Variants in QRICH1 observed in about 807,000 individuals in gnomAD.
QRICH1 encodes glutamine rich 1, also known as transcriptional regulator QRICH1.
Under a neutral mutation model 87.1 loss-of-function variants are expected in QRICH1, and 16 were observed. The ratio of observed to expected loss-of-function variants is 0.18; its 90% CI spans 0.12 to 0.28. QRICH1 has a LOEUF of 0.28. QRICH1 is among the 10% of genes least tolerant of loss of function. QRICH1 has a pLI of 1.00. For missense variants in QRICH1, 647 were observed against 951.7 expected (o/e 0.68, Z 4.21); for synonymous variants, 367 against 368.4 (o/e 1.00, Z 0.05).
In QRICH1 at chr3:49,050,248, C is replaced by CAAAAAAAAAAAAAAA. The variant is rs527597101; in HGVS notation, c.1339-3017_1339-3003dup. 2.5e-3 allele frequency among the ~76,000 whole-genome samples: 130 copies of CAAAAAAAAAAAAAAA among 52,406 alleles called. 3 individuals are homozygous for CAAAAAAAAAAAAAAA. The highest frequency in any genetic ancestry group is 9.0e-3 in the African/African-American group (92 of 10,170). The allele number at this position is 52,406 out of a possible 152,430, so 34.4% of individuals were successfully genotyped here. A position where few individuals can be genotyped will look rare whatever the true frequency, so the allele number is the denominator to read the frequency against. On this transcript the variant is annotated intron_variant, in intron 3 of 9. Transcript: ENST00000395443. The stretch of plus-strand genomic sequence containing the variant: ...TGGGCTAAAGAGCGGGACTCCGTCT[C>CAAAAAAAAAAAAAAA]AAAAAAAAAAAAAAAAAAAAAAAAA...
chr3:49,054,692 G>A (rs1208891019), intron 3 of QRICH1, among the ~76,000 whole-genome samples: 1 of 152,098 alleles, frequency 6.6e-6, no homozygotes, highest in African/African-American at 2.4e-5. Context: ...ATCACTTGAG[G>A]CCAGGAGTTC....
chr3:49,044,498 A>G lies in QRICH1; in HGVS notation c.1678T>C (p.Phe560Leu). 1 of 1,595,594 alleles carries G rather than the reference A, an allele frequency of 6.3e-7. No homozygotes were observed. Among genetic ancestry groups the G allele is most frequent in the Non-Finnish European group, 8.6e-7 (1 of 1,164,828 alleles). The change falls in exon 6 of 10, where the codon TTT becomes CTT. Residue 560 changes from phenylalanine (F) to leucine (L), a missense_variant. By Grantham distance (22) the Phe-to-Leu change is conservative. Coordinates refer to ENST00000395443, the MANE Select transcript of QRICH1 (RefSeq NM_198880.3). ...YIFLCIQKYLFENGRVDDIFS... is the reference protein window; with the variant it reads ...YIFLCIQKYLLENGRVDDIFS... ...ATGTCATCTACCCTTCCATTTTCAA[A>G]AAGATACTAAAAGAAAAACAATTAA...
In QRICH1 at chr3:49,029,827, G is replaced by C; in HGVS notation, c.*625C>G. 1 of 176,414 alleles carries C rather than the reference G, an allele frequency of 5.7e-6. No individual in the cohort carries two copies. The allele number at this position is 176,414 out of a possible 1,614,324, so 10.9% of individuals were successfully genotyped here. On this transcript the variant is annotated 3_prime_UTR_variant, in exon 10 of 10. Coordinates refer to ENST00000395443, the MANE Select transcript of QRICH1 (RefSeq NM_198880.3). ...GTTACAAGAATTCCATCAGGCACAG[G>C]AGCCTCAGGTTTTAAGGCCTCAATG...
At chr3:49,039,707 A>G (rs973863288) in intron 6 of QRICH1, among the ~76,000 whole-genome samples, 3 of 152,006 alleles carry the variant, frequency 2.0e-5, no homozygotes, top group Admixed American at 6.6e-5. Flanking sequence ...GGTGGTATAC[A>G]TAAGGTTTAA....
chr3:49,033,596 C>A (rs1275504757), intron 6 of QRICH1: 1 of 160,348 alleles, frequency 6.2e-6, no homozygotes. Flanking sequence ...TGAGAGTGTA[C>A]AGAGCTTTGC....
chr3:49,057,872 G>C lies in QRICH1; in HGVS notation c.328C>G (p.Gln110Glu), dbSNP rs750434974. The change falls in exon 3 of 10, where the codon CAG becomes GAG. Residue 110 changes from glutamine to glutamate, a missense_variant. Physicochemically the swap from Gln to Glu is conservative, Grantham distance 29. This residue lies in a region of QRICH1 where 156 missense variants were observed against 164.5 expected (regional missense o/e 0.95). Transcript: ENST00000395443. This position sits in a 1 kb window ranked among gnomAD's most constrained non-coding sequence, Gnocchi z 5.4. ...QQVQVQVQVQ[Q>E]SPQQVSAQLS... ...TGAGCCGAGACCTGTTGCGGAGACTGCTGTACCTGCACCTGGACCTGTAAG... is the reference window on the plus strand; with the variant it reads ...TGAGCCGAGACCTGTTGCGGAGACTCCTGTACCTGCACCTGGACCTGTAAG... 33 of 1,614,062 alleles carry C rather than the reference G, an allele frequency of 2.0e-5. No homozygotes were observed. Among genetic ancestry groups the C allele is most frequent in the Non-Finnish European group, 2.8e-5 (33 of 1,180,008 alleles).
intron 2 of QRICH1, among the ~76,000 whole-genome samples, chr3:49,069,104 ATTATT>A (rs1318033025): frequency 2.1e-4 from 22 of 103,084 alleles, no homozygotes; most frequent in East Asian, 5.4e-4. Flanking sequence ...TATTATTATT[ATTATT>A]TTTTTTTTTT....
At chr3:49,083,052 C>A (rs1165211690) in intron 1 of QRICH1, among the ~76,000 whole-genome samples, 1 of 150,394 alleles carries the variant, frequency 6.6e-6, no homozygotes, top group African/African-American at 2.4e-5. Flanking sequence ...ACTAAAAATA[C>A]AAAATGAGTT....
chr3:49,079,296 C>G (rs2042012300), intron 1 of QRICH1, among the ~76,000 whole-genome samples: 2 of 151,844 alleles, frequency 1.3e-5, no homozygotes, highest in South Asian at 4.1e-4. Context: ...GTGGTGCACA[C>G]ATGTAGTCTC....
At position 49,057,979 on chromosome 3, in the gene QRICH1, G is replaced by C. The variant is rs762951067; in HGVS notation, c.310-89C>G. On this transcript the variant is annotated intron_variant, in intron 2 of 9. Transcript: ENST00000395443. The surrounding 1 kb of genome is among the most constrained non-coding windows in gnomAD (Gnocchi z 5.4). ...AAGAAAGAAAAGAGATCCCAGACAG[G>C]GGACCTGCAAAATGTGAGAAAACAC... is the stretch of plus-strand genomic sequence containing the variant. The C allele has an allele frequency of 6.3e-7, 1 of 1,599,832 alleles. No individual in the cohort carries two copies. The highest frequency in any genetic ancestry group is 8.5e-7 in the Non-Finnish European group (1 of 1,175,854).
chr3:49,080,557 A>G (rs1245032767), intron 1 of QRICH1, among the ~76,000 whole-genome samples: 1 of 152,160 alleles, frequency 6.6e-6, no homozygotes, highest in Non-Finnish European at 1.5e-5. Flanking sequence ...ACAGAACTGA[A>G]AAACCTTCGT....
intron 3 of QRICH1, 24 bp from the exon 4 acceptor site, chr3:49,047,270 T>C (rs765728137): frequency 1.3e-6 from 2 of 1,590,094 alleles, no homozygotes; most frequent in Non-Finnish European, 1.7e-6. Context: ...ACCATGAAAA[T>C]GTGTCAATAT....
chr3:49,029,999 G>C lies in QRICH1; in HGVS notation c.*453C>G. Reference sequence around the variant, plus strand: ...CATTTTTCTTCCATTAAGATGCTAAGTTTATGTCTGATCATGAAGAAAGAA... The same window carrying C: ...CATTTTTCTTCCATTAAGATGCTAACTTTATGTCTGATCATGAAGAAAGAA... On this transcript the variant is annotated 3_prime_UTR_variant, in exon 10 of 10. Transcript: ENST00000395443. 4.5e-6 allele frequency: 1 copy of C among 221,190 alleles called. No individual in the cohort carries two copies. 13.7% of individuals were successfully genotyped at this position (221,190 alleles called of 1,614,324 possible). A position where few individuals can be genotyped will look rare whatever the true frequency, so the allele number is the denominator to read the frequency against.
chr3:49,060,844 T>C (rs1456628280), intron 2 of QRICH1, among the ~76,000 whole-genome samples: 6 of 151,922 alleles, frequency 3.9e-5, no homozygotes, highest in African/African-American at 1.4e-4. Context: ...TAGAATCTAA[T>C]GCCTGGCCAG....
At chr3:49,036,033 G>A (rs2106823939) in intron 6 of QRICH1, among the ~76,000 whole-genome samples, 1 of 151,316 alleles carries the variant, frequency 6.6e-6, no homozygotes, top group African/African-American at 2.4e-5. Flanking sequence ...TTGCAGTGAG[G>A]CAAGATTGTG....
intron 2 of QRICH1, among the ~76,000 whole-genome samples, chr3:49,074,876 G>A (rs567267662): frequency 1.3e-5 from 2 of 152,066 alleles, no homozygotes; most frequent in Admixed American, 6.6e-5. Flanking sequence ...CTACCTGGGA[G>A]GCTGAGGCAG....
At chr3:49,037,088 A>T in intron 6 of QRICH1, among the ~76,000 whole-genome samples, 1 of 151,414 alleles carries the variant, frequency 6.6e-6, no homozygotes. Context: ...AAAAAAAAAA[A>T]AAAAAAAGGA....
intron 6 of QRICH1, among the ~76,000 whole-genome samples, chr3:49,037,849 C>T (rs975341584): frequency 6.7e-5 from 10 of 148,538 alleles, no homozygotes; most frequent in Admixed American, 2.0e-4. Context: ...TGTGATGGTG[C>T]GCGCCTGTAA....
In QRICH1 at chr3:49,082,430, G is replaced by C. The variant is rs938294252; in HGVS notation, c.-21-5392C>G. On this transcript the variant is annotated intron_variant, in intron 1 of 9. Transcript: ENST00000395443. Reference sequence around the variant, plus strand: ...TAAATCCTACCAGCCAGTATTTCTAGAATAGTACCTTTAAAAAGTTACTAT... The same window carrying C: ...TAAATCCTACCAGCCAGTATTTCTACAATAGTACCTTTAAAAAGTTACTAT... Among the ~76,000 whole-genome samples, 4 of 152,182 alleles carry C rather than the reference G, an allele frequency of 2.6e-5. No homozygotes were observed. In the East Asian group the frequency reaches 5.8e-4, roughly 22 times the overall value.
Sources: allele counts gnomAD v4.1 joint callset (sites outside exome capture counted in the v4.1 genomes callset), GRCh38; gene constraint gnomAD v4.1.1; regional missense constraint gnomAD v4.1.1; non-coding constraint Gnocchi (gnomAD v3.1); transcripts MANE v1.5; gene names NCBI Gene and HGNC (gene_info 2026-07-23, HGNC 2026-07-21).